Variants in IL1RAPL2 observed in about 807,000 individuals in gnomAD.
IL1RAPL2 encodes the protein interleukin 1 receptor accessory protein like 2.
Under a neutral mutation model 44.1 loss-of-function variants are expected in IL1RAPL2, and 3 were observed. The observed-to-expected ratio is 0.07, with a 90% CI of 0.03 to 0.18. The LOEUF (loss-of-function observed/expected upper bound fraction) is 0.18, where lower values mean the gene tolerates loss of function less well. Among genes scored for constraint, IL1RAPL2 ranks in the 10% least tolerant of loss-of-function variants. IL1RAPL2 has a pLI of 1.00. For synonymous variants in IL1RAPL2, 181 were observed against 178.8 expected, an observed-to-expected ratio of 1.01 and a Z score of -0.10; for missense variants, 391 against 496.4, an observed-to-expected ratio of 0.79 and a Z score of 2.02.
chrX:105,417,044 C>A (rs917495338), intron 5 of IL1RAPL2, among the ~76,000 whole-genome samples: 1 of 112,224 alleles, frequency 8.9e-6, no homozygotes, highest in African/African-American at 3.2e-5. Flanking sequence ...TAGTTCATTT[C>A]ATTTGAAATA....
At chrX:104,717,716 T>C (rs890074638) in intron 2 of IL1RAPL2, among the ~76,000 whole-genome samples, 3 of 109,325 alleles carry the variant, frequency 2.7e-5, no homozygotes, top group Non-Finnish European at 5.7e-5. Context: ...ACCCATTAAC[T>C]CGTCATTTAG....
intron 5 of IL1RAPL2, among the ~76,000 whole-genome samples, chrX:105,277,677 T>C (rs189426329): frequency 1.2e-3 from 139 of 111,394 alleles, no homozygotes; most frequent in Non-Finnish European, 2.1e-3. Context: ...CTGTAACTCA[T>C]AGGCATAACT....
At chrX:104,756,576 G>A (rs974366959) in intron 2 of IL1RAPL2, among the ~76,000 whole-genome samples, 2 of 110,308 alleles carry the variant, frequency 1.8e-5, no homozygotes, top group African/African-American at 6.6e-5. Flanking sequence ...TCTAGGTATT[G>A]GGCACATAAA....
intron 2 of IL1RAPL2, among the ~76,000 whole-genome samples, chrX:104,794,155 T>C (rs1374247990): frequency 8.9e-6 from 1 of 112,091 alleles, no homozygotes; most frequent in East Asian, 2.8e-4. Flanking sequence ...ATAGGGGATA[T>C]GTGAAAGCAT....
At position 105,032,653 on chromosome X, in the gene IL1RAPL2, T is replaced by G. The variant is rs1455102048; in HGVS notation, c.83-162822T>G. ...GGAGAGCTTTACTTCCAACTATGTG[T>G]TCAATTTTGGAATAGGTGTGGTGTG... On this transcript the variant is annotated intron_variant, in intron 2 of 10. Coordinates refer to ENST00000372582, the MANE Select transcript of IL1RAPL2 (RefSeq NM_017416.2). Among the ~76,000 whole-genome samples, 5 of 111,423 alleles carry G rather than the reference T, an allele frequency of 4.5e-5. No homozygotes were observed. The East Asian group carries it at 8.4e-4, about 19-fold the overall frequency.
At position 104,927,576 on chromosome X, in the gene IL1RAPL2, C is replaced by T. The variant is rs758869185; in HGVS notation, c.83-267899C>T. Among the ~76,000 whole-genome samples the T allele has an allele frequency of 2.3e-4, 26 of 111,511 alleles. No homozygotes were observed. The East Asian group carries it at 7.0e-3, about 30-fold the overall frequency. Reference sequence around the variant, plus strand: ...GCAAAAGTGATTGAATTTTTCCCACCTTTCTTTCCCAAAAAAGATGCATAA... The same window carrying T: ...GCAAAAGTGATTGAATTTTTCCCACTTTTCTTTCCCAAAAAAGATGCATAA... On this transcript the variant is annotated intron_variant, in intron 2 of 10. Transcript: ENST00000372582.
At chrX:105,255,532 A>G (rs937159742) in intron 4 of IL1RAPL2, among the ~76,000 whole-genome samples, 1 of 112,539 alleles carries the variant, frequency 8.9e-6, no homozygotes, top group Admixed American at 9.4e-5. Context: ...GAAGTTGTTT[A>G]TCAGCTGAAG....
chrX:104,998,705 T>C (rs1254339571), intron 2 of IL1RAPL2, among the ~76,000 whole-genome samples: 3 of 111,690 alleles, frequency 2.7e-5, no homozygotes, highest in Non-Finnish European at 5.7e-5. Context: ...AGGTAGAGGC[T>C]GCGGTGAGCT....
chrX:104,797,930 C>A, intron 2 of IL1RAPL2, among the ~76,000 whole-genome samples: 1 of 111,862 alleles, frequency 8.9e-6, no homozygotes, highest in East Asian at 2.8e-4. Flanking sequence ...CTGTGCTAAG[C>A]GCTTTCTCTT....
At chrX:105,235,962 C>G (rs1227327244) in intron 4 of IL1RAPL2, among the ~76,000 whole-genome samples, 5 of 112,226 alleles carry the variant, frequency 4.5e-5, no homozygotes, top group African/African-American at 1.6e-4. Flanking sequence ...TAATCACTAC[C>G]CTCTCCGGCA....
At chrX:105,454,570 C>A (rs2036041983) in intron 5 of IL1RAPL2, among the ~76,000 whole-genome samples, 1 of 111,549 alleles carries the variant, frequency 9.0e-6, no homozygotes, top group Non-Finnish European at 1.9e-5. Context: ...ACCAAAGGAG[C>A]CAACATGTTT....
At chrX:104,631,221 C>T (rs1929640260) in intron 1 of IL1RAPL2, among the ~76,000 whole-genome samples, 1 of 112,086 alleles carries the variant, frequency 8.9e-6, no homozygotes, top group Admixed American at 9.5e-5. Flanking sequence ...GCCACATTTT[C>T]TTGATCCAGT....
chrX:104,931,836 C>A (rs975470189), intron 2 of IL1RAPL2, among the ~76,000 whole-genome samples: 2 of 109,631 alleles, frequency 1.8e-5, no homozygotes, highest in Non-Finnish European at 3.8e-5. Flanking sequence ...GATCAAGAAG[C>A]TTTAACTTTA....
rs184713931 is a variant in IL1RAPL2 at position 104,907,981 on chromosome X, G to A, written c.82+248986G>A. On this transcript the variant is annotated intron_variant, in intron 2 of 10. Coordinates refer to ENST00000372582, the MANE Select transcript of IL1RAPL2 (RefSeq NM_017416.2). ...CTCAGGACTTGCTTTATGAATTTGGGTGCTCCTGTGTTGGGTGCATATATA... is the reference window on the plus strand; with the variant it reads ...CTCAGGACTTGCTTTATGAATTTGGATGCTCCTGTGTTGGGTGCATATATA... Among the ~76,000 whole-genome samples, 979 of 110,294 alleles carry A rather than the reference G, an allele frequency of 8.9e-3. 8 individuals are homozygous for A. Among genetic ancestry groups the A allele is most frequent in the African/African-American group, 0.03 (919 of 30,243 alleles).
chrX:104,599,972 A>C (rs749484922), intron 1 of IL1RAPL2, among the ~76,000 whole-genome samples: 1 of 111,291 alleles, frequency 9.0e-6, no homozygotes, highest in South Asian at 3.8e-4. Flanking sequence ...GGGAAGGAAA[A>C]CTGATGCTAA....
intron 10 of IL1RAPL2, among the ~76,000 whole-genome samples, chrX:105,762,914 G>T (rs1032016762): frequency 6.4e-5 from 7 of 110,233 alleles, no homozygotes; most frequent in African/African-American, 2.3e-4. Flanking sequence ...TCTCTTCGTG[G>T]TAACAAGCTT....
chrX:104,801,559 G>C (rs1932885768), intron 2 of IL1RAPL2, among the ~76,000 whole-genome samples: 1 of 111,531 alleles, frequency 9.0e-6, no homozygotes. Flanking sequence ...TGTAAATAGG[G>C]TTGGAGTTAT....
At chrX:105,712,930 C>T (rs2038223727) in intron 6 of IL1RAPL2, among the ~76,000 whole-genome samples, 1 of 112,037 alleles carries the variant, frequency 8.9e-6, no homozygotes, top group African/African-American at 3.2e-5. Flanking sequence ...GCCACAGGCC[C>T]CAGGCAAGTC....
At chrX:105,033,067 A>G (rs957065254) in intron 2 of IL1RAPL2, among the ~76,000 whole-genome samples, 16 of 110,243 alleles carry the variant, frequency 1.5e-4, no homozygotes, top group Admixed American at 1.4e-3. Context: ...TTTGTTTTCC[A>G]TTTGCTTGGT....
Sources: allele counts gnomAD v4.1 joint callset (sites outside exome capture counted in the v4.1 genomes callset), GRCh38; gene constraint gnomAD v4.1.1; transcripts MANE v1.5; gene names NCBI Gene and HGNC (gene_info 2026-07-23, HGNC 2026-07-21).